GRM7: variants seen among roughly 807,000 people sequenced by gnomAD.
The protein encoded by GRM7 is glutamate metabotropic receptor 7, also known as metabotropic glutamate receptor 7.
A neutral mutation model predicts 84.5 loss-of-function variants in GRM7; 35 were observed. The observed-to-expected ratio is 0.41, with a 90% CI of 0.32 to 0.55. The LOEUF (loss-of-function observed/expected upper bound fraction) is 0.55. GRM7 is among the 20% of genes least tolerant of loss of function. The probability of loss-of-function intolerance (pLI) is 0.19; values close to 1 mark genes in which losing one functional copy is unlikely to be tolerated. For missense variants in GRM7, 1,003 were observed against 1,194.6 expected, an observed-to-expected ratio of 0.84 and a Z score of 2.36; for synonymous variants, 487 against 455.1, an observed-to-expected ratio of 1.07 and a Z score of -0.89.
rs545921281 is a variant in GRM7 at position 6,863,856 on chromosome 3, A to C, written c.519+1949A>C. Among the ~76,000 whole-genome samples, 1 of 152,286 alleles carries C rather than the reference A, an allele frequency of 6.6e-6. No individual in the cohort carries two copies. The highest frequency in any genetic ancestry group is 1.9e-4 in the East Asian group (1 of 5,180). ...TCACTCACCCTGGGCAGTACTGCGG[A>C]TCAGCCTGTCTCTGTCTGAAAAAAG... On this transcript the variant is annotated intron_variant, in intron 1 of 9. Coordinates refer to ENST00000357716, the MANE Select transcript of GRM7 (RefSeq NM_000844.4). This position sits in a 1 kb window ranked among gnomAD's most constrained non-coding sequence, Gnocchi z 4.8.
At chr3:7,017,404 T>C (rs184226796) in intron 1 of GRM7, among the ~76,000 whole-genome samples, 2 of 152,302 alleles carry the variant, frequency 1.3e-5, no homozygotes, top group East Asian at 1.9e-4. Flanking sequence ...CAAGTTTTAT[T>C]GTTAAAACCC....
intron 2 of GRM7, among the ~76,000 whole-genome samples, chr3:7,292,735 AAAC>A (rs1559558277): frequency 3.3e-5 from 5 of 151,622 alleles, no homozygotes; most frequent in African/African-American, 9.7e-5. Context: ...TTAAAAAAAA[AAAC>A]AAACCATTGA....
At chr3:7,206,274 T>C (rs1167262053) in intron 2 of GRM7, among the ~76,000 whole-genome samples, 1 of 152,230 alleles carries the variant, frequency 6.6e-6, no homozygotes, top group Non-Finnish European at 1.5e-5. Flanking sequence ...TAGCAGTTCC[T>C]ATTAAATGTT....
chr3:7,672,590 G>C (rs9851703), intron 8 of GRM7, among the ~76,000 whole-genome samples: 16,632 of 147,202 alleles, frequency 0.11, 1,627 homozygotes, highest in African/African-American at 0.27. Flanking sequence ...TGAAATAGGA[G>C]TTTTAATATA....
At chr3:7,301,892 C>G (rs1700014913) in intron 3 of GRM7, among the ~76,000 whole-genome samples, 1 of 152,086 alleles carries the variant, frequency 6.6e-6, no homozygotes, top group South Asian at 2.1e-4. Context: ...GGAACGTTAA[C>G]TTCAGATACT....
chr3:6,980,007 A>G (rs930945464), intron 1 of GRM7, among the ~76,000 whole-genome samples: 1 of 152,134 alleles, frequency 6.6e-6, no homozygotes, highest in African/African-American at 2.4e-5. Context: ...AAAATCCCCA[A>G]ATCTCAACTG....
At chr3:7,147,945 G>C (rs1160960280) in intron 2 of GRM7, among the ~76,000 whole-genome samples, 1 of 152,072 alleles carries the variant, frequency 6.6e-6, no homozygotes, top group Non-Finnish European at 1.5e-5. Flanking sequence ...GCCTATCACA[G>C]GTTAGTATAA....
intron 1 of GRM7, among the ~76,000 whole-genome samples, chr3:7,029,315 C>CAAAAAAAAAAAAAAAAAA (rs1207041327): frequency 1.1e-5 from 1 of 92,836 alleles, no homozygotes; most frequent in Non-Finnish European, 2.4e-5. Flanking sequence ...AAAAAAAAAA[C>CAAAAAAAAAAAAAAAAAA]AAAAAAAAAA....
At chr3:7,378,140 G>T (rs1029836102) in intron 4 of GRM7, among the ~76,000 whole-genome samples, 1 of 152,182 alleles carries the variant, frequency 6.6e-6, no homozygotes. Flanking sequence ...GTGACTCGGT[G>T]TGGGATGGCT....
chr3:6,981,918 C>T (rs1410774465), intron 1 of GRM7, among the ~76,000 whole-genome samples: 1 of 152,084 alleles, frequency 6.6e-6, no homozygotes, highest in Admixed American at 6.6e-5. Context: ...TCAGATCTAC[C>T]ATTGGATCCA....
intron 7 of GRM7, among the ~76,000 whole-genome samples, chr3:7,512,517 A>T (rs1024794565): frequency 6.6e-6 from 1 of 152,014 alleles, no homozygotes; most frequent in African/African-American, 2.4e-5. Context: ...CCAGAGAAAG[A>T]GAAGTACTTT....
intron 5 of GRM7, among the ~76,000 whole-genome samples, chr3:7,448,676 T>C (rs1367707301): frequency 3.9e-5 from 6 of 152,176 alleles, no homozygotes; most frequent in Non-Finnish European, 8.8e-5. Flanking sequence ...CATTTTCAAG[T>C]CCTATTAGCT....
chr3:7,720,581 A>G (rs1197062430), intron 9 of GRM7, among the ~76,000 whole-genome samples: 1 of 152,212 alleles, frequency 6.6e-6, no homozygotes, highest in African/African-American at 2.4e-5. Context: ...CGTGCTAACA[A>G]TTCCCCTGAA....
chr3:7,329,457 A>T (rs1190429162), intron 4 of GRM7, among the ~76,000 whole-genome samples: 1 of 152,134 alleles, frequency 6.6e-6, no homozygotes, highest in African/African-American at 2.4e-5. Context: ...TTCTTTGTGA[A>T]TGGGTATGTG....
chr3:7,693,669 C>CCA (rs1559491642), intron 9 of GRM7: 1 of 1,529,434 alleles, frequency 6.5e-7, no homozygotes, highest in East Asian at 2.4e-5. Flanking sequence ...TCTGCACTGG[C>CCA]ATCTAGTCAA....
intron 3 of GRM7, among the ~76,000 whole-genome samples, chr3:7,300,219 G>C (rs904779904): frequency 6.6e-6 from 1 of 152,066 alleles, no homozygotes; most frequent in Non-Finnish European, 1.5e-5. Flanking sequence ...CAGGGTAAAG[G>C]TTTAATGGCC....
At chr3:7,199,376 G>T (rs377314885) in intron 2 of GRM7, among the ~76,000 whole-genome samples, 81 of 152,172 alleles carry the variant, frequency 5.3e-4, no homozygotes, top group African/African-American at 1.9e-3. Context: ...GAGTGCTGAG[G>T]GCTGATGCCA....
chr3:6,949,861 T>C (rs921455236), intron 1 of GRM7, among the ~76,000 whole-genome samples: 4 of 152,264 alleles, frequency 2.6e-5, no homozygotes, highest in African/African-American at 9.6e-5. Context: ...TTACTGAGGA[T>C]TGTGCATTTG....
At chr3:7,659,195 A>G (rs911002279) in intron 8 of GRM7, among the ~76,000 whole-genome samples, 7 of 152,334 alleles carry the variant, frequency 4.6e-5, no homozygotes, top group East Asian at 1.9e-4. Context: ...GCAGAAATGA[A>G]TATTACTGCT....
Sources: gnomAD v4.1 joint callset for allele counts (sites outside exome capture counted in the v4.1 genomes callset) on GRCh38, gnomAD v4.1.1 for gene constraint, Gnocchi (gnomAD v3.1) non-coding constraint, MANE v1.5 for transcripts, NCBI Gene and HGNC (gene_info 2026-07-23, HGNC 2026-07-21) for gene names.